ROBO2: variants seen among roughly 807,000 people sequenced by gnomAD.
ROBO2 encodes the protein roundabout homolog 2.
Under a neutral mutation model 160.8 loss-of-function variants are expected in ROBO2, and 53 were observed. The ratio of observed to expected loss-of-function variants is 0.33; its 90% CI spans 0.26 to 0.41. ROBO2 has a LOEUF of 0.41. ROBO2 is among the 10% of genes least tolerant of loss of function. The pLI is 1.00. For missense variants in ROBO2, 1,577 were observed against 1,722.4 expected, an observed-to-expected ratio of 0.92 and a Z score of 1.49; for synonymous variants, 664 against 611.7, an observed-to-expected ratio of 1.09 and a Z score of -1.26.
At chr3:77,216,263 G>T (rs1038263006) in intron 2 of ROBO2, among the ~76,000 whole-genome samples, 5 of 152,124 alleles carry the variant, frequency 3.3e-5, no homozygotes, top group East Asian at 3.9e-4. Flanking sequence ...ACCTACTCAA[G>T]CCTCGGCAAT....
chr3:76,753,137 G>A (rs1434990084), intron 2 of ROBO2, among the ~76,000 whole-genome samples: 1 of 151,868 alleles, frequency 6.6e-6, no homozygotes, highest in East Asian at 1.9e-4. Context: ...AAGAAACACT[G>A]TGCTGAAGTT....
At chr3:76,734,329 G>A (rs553473064) in intron 2 of ROBO2, among the ~76,000 whole-genome samples, 1 of 152,122 alleles carries the variant, frequency 6.6e-6, no homozygotes, top group South Asian at 2.1e-4. Flanking sequence ...AGAGTAAAAG[G>A]GGGCACTATT....
intron 6 of ROBO2, among the ~76,000 whole-genome samples, chr3:77,537,742 A>T (rs2092218912): frequency 6.6e-6 from 1 of 152,114 alleles, no homozygotes; most frequent in Admixed American, 6.6e-5. Context: ...ATGGCTGGGG[A>T]GGCCTCACAA....
At chr3:76,743,617 A>G (rs1038233307) in intron 2 of ROBO2, among the ~76,000 whole-genome samples, 1 of 152,160 alleles carries the variant, frequency 6.6e-6, no homozygotes, top group Admixed American at 6.5e-5. Context: ...CAATGATTTA[A>G]TGAAAAAATA....
intron 2 of ROBO2, among the ~76,000 whole-genome samples, chr3:76,402,673 T>G (rs1333093879): frequency 1.3e-5 from 2 of 151,584 alleles, no homozygotes; most frequent in African/African-American, 4.8e-5. Flanking sequence ...TCTAACTGGC[T>G]GCAAAGTGAG....
chr3:76,831,593 A>AT (rs1243567714), intron 2 of ROBO2, among the ~76,000 whole-genome samples: 1 of 152,182 alleles, frequency 6.6e-6, no homozygotes, highest in African/African-American at 2.4e-5. Flanking sequence ...TCAACTCGTT[A>AT]TAGGAGACCA....
intron 2 of ROBO2, among the ~76,000 whole-genome samples, chr3:76,209,053 A>T (rs145977340): frequency 0.021 from 3,260 of 152,292 alleles, 47 homozygotes; most frequent in Non-Finnish European, 0.029. Flanking sequence ...AAAAAATTGT[A>T]TATTACCAGA....
At chr3:77,548,523 T>C (rs145627217) in intron 7 of ROBO2, among the ~76,000 whole-genome samples, 1 of 152,178 alleles carries the variant, frequency 6.6e-6, no homozygotes, top group African/African-American at 2.4e-5. Context: ...CAAGTTGAAT[T>C]ACAAGGTAGT....
chr3:77,180,417 T>TCTCTATATATATATATATATATAC (rs1491336602), intron 2 of ROBO2, among the ~76,000 whole-genome samples: 1 of 61,112 alleles, frequency 1.6e-5, no homozygotes, highest in Non-Finnish European at 3.7e-5. Context: ...TCTCTCTCTC[T>TCTCTATATATATATATATATATAC]ATATATATAT....
chr3:76,191,873 T>C (rs1169137960), intron 2 of ROBO2, among the ~76,000 whole-genome samples: 1 of 152,038 alleles, frequency 6.6e-6, no homozygotes, highest in African/African-American at 2.4e-5. Flanking sequence ...GATGTGATAG[T>C]CTGTCATTCC....
intron 2 of ROBO2, among the ~76,000 whole-genome samples, chr3:76,831,593 A>G (rs181922396): frequency 6.6e-6 from 1 of 152,300 alleles, no homozygotes; most frequent in South Asian, 2.1e-4. Flanking sequence ...TCAACTCGTT[A>G]TAGGAGACCA....
In ROBO2 at chr3:76,642,341, CTTTTTT is replaced by C. The variant is rs71104611; in HGVS notation, c.110-455649_110-455644del. Among the ~76,000 whole-genome samples, 283 of 62,196 alleles carry C rather than the reference CTTTTTT, an allele frequency of 4.6e-3. 2 individuals are homozygous for C. Among genetic ancestry groups the C allele is most frequent in the African/African-American group, 0.019 (263 of 13,890 alleles). The allele number at this position is 62,196 out of a possible 152,430, so 40.8% of individuals were successfully genotyped here. On this transcript the variant is annotated intron_variant, in intron 2 of 26. Coordinates refer to the ROBO2 transcript ENST00000487694. Reference sequence around the variant, plus strand: ...GCTAATTCAGAAATATTTACACTTGCTTTTTTTTTTTTTTTTTTTTTTTTTTTTTGA... The same window carrying C: ...GCTAATTCAGAAATATTTACACTTGCTTTTTTTTTTTTTTTTTTTTTTTGA...
intron 2 of ROBO2, among the ~76,000 whole-genome samples, chr3:76,252,333 T>C (rs1248403091): frequency 6.6e-6 from 1 of 152,072 alleles, no homozygotes; most frequent in Non-Finnish European, 1.5e-5. Flanking sequence ...TGCTATTCAA[T>C]GTATTTGATG....
At chr3:77,467,544 C>G (rs985232526) in intron 2 of ROBO2, among the ~76,000 whole-genome samples, 8 of 152,084 alleles carry the variant, frequency 5.3e-5, no homozygotes, top group Non-Finnish European at 1.2e-4. Flanking sequence ...AATGTAAATT[C>G]TTTAAAACTG....
chr3:76,452,077 T>G (rs1177646253), intron 2 of ROBO2, among the ~76,000 whole-genome samples: 1 of 152,190 alleles, frequency 6.6e-6, no homozygotes, highest in Non-Finnish European at 1.5e-5. Flanking sequence ...TTTCTAAATA[T>G]TCCTTCAACC....
chr3:76,947,636 C>A (rs891256165), intron 2 of ROBO2, among the ~76,000 whole-genome samples: 3 of 151,066 alleles, frequency 2.0e-5, no homozygotes, highest in East Asian at 3.9e-4. Flanking sequence ...ATTTCAAATT[C>A]TTGCAATCGA....
chr3:76,908,087 G>A (rs1174665996), intron 2 of ROBO2, among the ~76,000 whole-genome samples: 2 of 151,942 alleles, frequency 1.3e-5, no homozygotes, highest in South Asian at 2.1e-4. Flanking sequence ...TGATCTGCCC[G>A]CCTCGGCTTC....
intron 2 of ROBO2, among the ~76,000 whole-genome samples, chr3:76,917,454 A>G (rs2076392631): frequency 6.6e-6 from 1 of 152,354 alleles, no homozygotes; most frequent in South Asian, 2.1e-4. Flanking sequence ...TCATGAAAAC[A>G]TTAGGAAACC....
intron 2 of ROBO2, among the ~76,000 whole-genome samples, chr3:76,750,226 G>T (rs1220355244): frequency 3.3e-5 from 5 of 151,994 alleles, no homozygotes; most frequent in African/African-American, 1.2e-4. Flanking sequence ...TGCAGAAAAG[G>T]CCTTTGACAA....
Sources: gnomAD v4.1 joint callset for allele counts (sites outside exome capture counted in the v4.1 genomes callset) on GRCh38, gnomAD v4.1.1 for gene constraint, MANE v1.5 for transcripts, NCBI Gene and HGNC (gene_info 2026-07-23, HGNC 2026-07-21) for gene names.